Variants in CAPS2 observed in about 807,000 individuals in gnomAD.
CAPS2 encodes the protein calcyphosin-2.
In CAPS2, 98 loss-of-function variants were observed where a neutral mutation model predicts 86.5. The observed-to-expected ratio is 1.13, with a 90% CI of 0.96 to 1.34. CAPS2 has a LOEUF of 1.34. CAPS2 is among the 40% of genes most tolerant of loss of function. The probability of loss-of-function intolerance (pLI) is 0.00; values close to 1 mark genes in which losing one functional copy is unlikely to be tolerated. For missense variants in CAPS2, 729 were observed against 686.8 expected (o/e 1.06, Z -0.69); for synonymous variants, 210 against 225.1 (o/e 0.93, Z 0.60).
intron 14 of CAPS2, among the ~76,000 whole-genome samples, chr12:75,289,234 C>T (rs11180445): frequency 0.17 from 25,919 of 152,098 alleles, 2,632 homozygotes; most frequent in South Asian, 0.36. Flanking sequence ...ATGTATCCTC[C>T]TCCAGGCATC....
chr12:75,291,506 T>C (rs530239564), intron 13 of CAPS2, among the ~76,000 whole-genome samples: 1 of 113,216 alleles, frequency 8.8e-6, no homozygotes, highest in Non-Finnish European at 1.8e-5. Flanking sequence ...TATATATATA[T>C]ATATATATAT....
At chr12:75,311,707 AAAAAC>A (rs1241849435) in intron 7 of CAPS2, among the ~76,000 whole-genome samples, 1 of 14,456 alleles carries the variant, frequency 6.9e-5, no homozygotes, top group Non-Finnish European at 2.2e-4. Context: ...CAGGAAAAAA[AAAAAC>A]AAAAAAAAAA....
chr12:75,384,934 G>A (rs1039212564), intron 1 of CAPS2, among the ~76,000 whole-genome samples: 1 of 152,184 alleles, frequency 6.6e-6, no homozygotes, highest in Non-Finnish European at 1.5e-5. Context: ...TGGGTTATGA[G>A]GGCTCTGCCC....
chr12:75,317,762 C>T (rs991864669), intron 5 of CAPS2, among the ~76,000 whole-genome samples: 28 of 152,104 alleles, frequency 1.8e-4, no homozygotes, highest in Admixed American at 8.5e-4. Context: ...ATCATTATCA[C>T]AATCAAATTA....
At chr12:75,279,107 T>C (rs2033418864) in intron 16 of CAPS2, 42 bp from the exon 17 acceptor site, 1 of 1,409,146 alleles carries the variant, frequency 7.1e-7, no homozygotes, top group Admixed American at 2.7e-5. Flanking sequence ...CCTGAAAAGT[T>C]CAGTGAAATG....
At chr12:75,329,993 T>C (rs890386649), upstream of CAPS2, 2 of 768,398 alleles carry the variant, frequency 2.6e-6, no homozygotes, top group Non-Finnish European at 4.2e-6. Flanking sequence ...CTAGCGCGAT[T>C]CCTCCAAAAA....
At chr12:75,326,448 C>T in exon 1 of CAPS2, 2 of 1,533,398 alleles carry the variant, frequency 1.3e-6, no homozygotes, top group Non-Finnish European at 1.8e-6. Flanking sequence ...CAAAGAATGG[C>T]TGAATTTGGC....
At chr12:75,323,856 G>C (rs939163303) in intron 2 of CAPS2, among the ~76,000 whole-genome samples, 2 of 152,102 alleles carry the variant, frequency 1.3e-5, no homozygotes, top group Non-Finnish European at 2.9e-5. Context: ...TGTTTATCCC[G>C]TCTCTATGGT....
chr12:75,320,754 ATCT>A (rs763286718), intron 5 of CAPS2, among the ~76,000 whole-genome samples: 3 of 152,026 alleles, frequency 2.0e-5, no homozygotes, highest in Non-Finnish European at 4.4e-5. Context: ...ATTAAAAATT[ATCT>A]TCTTTATGGC....
intron 11 of CAPS2, 139 bp downstream of exon 11, chr12:75,298,548 T>C (rs1339817256): frequency 2.5e-5 from 15 of 604,924 alleles, no homozygotes; most frequent in Non-Finnish European, 4.3e-5. Context: ...CATCAACCAT[T>C]AGCCCACACA....
Position 75,370,400 on chromosome 12 carries a change from G to A in CAPS2, c.-395+20438C>T, listed in dbSNP as rs112825416. ...ATTTTTTAATTACAAATCCATATGTGTATCAAAAGTGTTCCACTCTTTAAT... is the reference window on the plus strand; with the variant it reads ...ATTTTTTAATTACAAATCCATATGTATATCAAAAGTGTTCCACTCTTTAAT... On this transcript the variant is annotated intron_variant, in intron 1 of 5. Transcript: ENST00000551829. The A allele has an allele frequency of 1.3e-3, 466 of 357,532 alleles. 2 individuals carry two copies. Among genetic ancestry groups the A allele is most frequent in the African/African-American group, 9.0e-3 (441 of 48,900 alleles). 22.1% of individuals were successfully genotyped at this position (357,532 alleles called of 1,614,324 possible).
intron 1 of CAPS2, among the ~76,000 whole-genome samples, chr12:75,361,444 C>A (rs1214112938): frequency 7.2e-5 from 11 of 152,310 alleles, no homozygotes; most frequent in Admixed American, 7.2e-4. Flanking sequence ...AGGAACCCAA[C>A]CCTATCTGCC....
chr12:75,313,659 G>C (rs962158677), intron 6 of CAPS2, among the ~76,000 whole-genome samples: 1 of 152,042 alleles, frequency 6.6e-6, no homozygotes, highest in African/African-American at 2.4e-5. Flanking sequence ...AAATAAAAGA[G>C]GTTAAAAAAT....
exon 13 of CAPS2, chr12:75,291,767 C>A: frequency 6.4e-7 from 1 of 1,567,866 alleles, no homozygotes; most frequent in Non-Finnish European, 8.7e-7. Flanking sequence ...GAAGACCAGC[C>A]TATCATTGGT....
intron 1 of CAPS2, among the ~76,000 whole-genome samples, chr12:75,372,020 TTTG>T (rs1238241400): frequency 1.4e-4 from 22 of 152,138 alleles, no homozygotes; most frequent in African/African-American, 5.3e-4. Context: ...TGTTTGTTTG[TTTG>T]TTGTTTCTTT....
intron 11 of CAPS2, among the ~76,000 whole-genome samples, chr12:75,296,446 C>G (rs1467752938): frequency 6.6e-6 from 1 of 152,142 alleles, no homozygotes; most frequent in Non-Finnish European, 1.5e-5. Flanking sequence ...TGCCCGCCAC[C>G]ATGCCCAACT....
At chr12:75,319,001 A>C (rs894918405) in intron 5 of CAPS2, among the ~76,000 whole-genome samples, 2 of 152,220 alleles carry the variant, frequency 1.3e-5, no homozygotes, top group African/African-American at 2.4e-5. Context: ...GAAATGAATA[A>C]TGATAGGTAC....
At chr12:75,366,242 C>T (rs1001586019) in intron 1 of CAPS2, among the ~76,000 whole-genome samples, 1 of 152,002 alleles carries the variant, frequency 6.6e-6, no homozygotes, top group African/African-American at 2.4e-5. Context: ...ATAGAAAGAT[C>T]CCATTTTTTA....
intron 11 of CAPS2, 152 bp from the exon 12 acceptor site, chr12:75,293,519 G>A: frequency 1.6e-6 from 1 of 620,014 alleles, no homozygotes; most frequent in Admixed American, 3.4e-5. Flanking sequence ...TATGTATTTG[G>A]AGAAACTATA....
Sources: allele counts gnomAD v4.1 joint callset (sites outside exome capture counted in the v4.1 genomes callset), GRCh38; gene constraint gnomAD v4.1.1; transcripts MANE v1.5; gene names NCBI Gene and HGNC (gene_info 2026-07-23, HGNC 2026-07-21).